ACTR3: variants seen among roughly 807,000 people sequenced by gnomAD.
The protein encoded by ACTR3 is actin-related protein 3.
A neutral mutation model predicts 56.8 loss-of-function variants in ACTR3; 12 were observed. That is an observed-to-expected ratio of 0.21 (90% CI 0.14 to 0.34). The LOEUF is 0.34. Among genes scored for constraint, ACTR3 ranks in the 10% least tolerant of loss-of-function variants. ACTR3 has a pLI of 1.00. For synonymous variants in ACTR3, 162 were observed against 167.4 expected (o/e 0.97, Z 0.25); for missense variants, 282 against 512.5 (o/e 0.55, Z 4.34).
At chr2:113,938,946 C>T (rs1228075161) in intron 6 of ACTR3, among the ~76,000 whole-genome samples, 2 of 151,400 alleles carry the variant, frequency 1.3e-5, no homozygotes, top group Non-Finnish European at 3.0e-5. Context: ...GTGTAACATT[C>T]ACGTTATTTG....
At chr2:113,916,408 C>T (rs1679405747) in intron 2 of ACTR3, among the ~76,000 whole-genome samples, 1 of 152,094 alleles carries the variant, frequency 6.6e-6, no homozygotes, top group South Asian at 2.1e-4. Context: ...TACTAGACCA[C>T]AATAGTAATT....
At chr2:113,911,418 A>AC (rs1679304254) in intron 1 of ACTR3, among the ~76,000 whole-genome samples, 1 of 111,686 alleles carries the variant, frequency 9.0e-6, no homozygotes, top group East Asian at 4.2e-4. Context: ...TATTTGGCAC[A>AC]CTTTTTTTTT....
At chr2:113,905,829 G>A (rs1184679030) in intron 1 of ACTR3, among the ~76,000 whole-genome samples, 1 of 138,198 alleles carries the variant, frequency 7.2e-6, no homozygotes, top group African/African-American at 2.4e-5. Flanking sequence ...TGTATCATGT[G>A]TTTCCTTTTT....
intron 3 of ACTR3, among the ~76,000 whole-genome samples, chr2:113,921,301 C>G (rs1415752329): frequency 1.4e-5 from 2 of 146,706 alleles, no homozygotes; most frequent in Non-Finnish European, 3.0e-5. Context: ...ATTATTTGCC[C>G]TTTTAAAAAA....
chr2:113,949,213 A>G (rs1479032789), intron 8 of ACTR3, among the ~76,000 whole-genome samples: 3 of 151,032 alleles, frequency 2.0e-5, no homozygotes, highest in Non-Finnish European at 4.4e-5. Flanking sequence ...CCCCGTCTCT[A>G]CTAAAAACAC....
intron 3 of ACTR3, among the ~76,000 whole-genome samples, chr2:113,923,589 C>T (rs1679559531): frequency 6.6e-6 from 1 of 152,182 alleles, no homozygotes; most frequent in African/African-American, 2.4e-5. Context: ...CCTGCCTCGG[C>T]CTCCCAAAGT....
intron 1 of ACTR3, among the ~76,000 whole-genome samples, chr2:113,911,903 A>G (rs762148557): frequency 6.6e-6 from 1 of 151,400 alleles, no homozygotes; most frequent in African/African-American, 2.4e-5. Flanking sequence ...TGCCTGGCTA[A>G]TTTTGTATTT....
chr2:113,931,008 C>T (rs1488484369), intron 4 of ACTR3, among the ~76,000 whole-genome samples: 3 of 151,982 alleles, frequency 2.0e-5, no homozygotes, highest in Admixed American at 2.0e-4. Context: ...TACCTCCAAC[C>T]CTCTCTCTCC....
intron 8 of ACTR3, among the ~76,000 whole-genome samples, chr2:113,950,035 A>T (rs1275735907): frequency 2.0e-5 from 3 of 152,208 alleles, no homozygotes; most frequent in Admixed American, 6.5e-5. Context: ...GAGAGCGCTG[A>T]ATTAGTGAAC....
At chr2:113,913,739 G>A (rs539819233) in intron 2 of ACTR3, among the ~76,000 whole-genome samples, 9 of 152,134 alleles carry the variant, frequency 5.9e-5, no homozygotes, top group Admixed American at 5.9e-4. Flanking sequence ...TAACCATACT[G>A]TTGTATGTCT....
At chr2:113,928,538 C>T (rs1207750724) in intron 4 of ACTR3, among the ~76,000 whole-genome samples, 1 of 152,118 alleles carries the variant, frequency 6.6e-6, no homozygotes, top group East Asian at 1.9e-4. Flanking sequence ...TCTAAGGGAG[C>T]AGATAGCAAA....
chr2:113,935,017 G>A (rs11676281), intron 6 of ACTR3, among the ~76,000 whole-genome samples: 13,439 of 151,626 alleles, frequency 0.089, 639 homozygotes, highest in East Asian at 0.18. Flanking sequence ...ATCACTTAAG[G>A]ATTTACATTA....
chr2:113,921,527 T>C (rs1376366834), intron 3 of ACTR3, among the ~76,000 whole-genome samples: 2 of 152,154 alleles, frequency 1.3e-5, no homozygotes, highest in Non-Finnish European at 2.9e-5. Context: ...TGAGGTCTTA[T>C]TTGTAAAATC....
intron 1 of ACTR3, among the ~76,000 whole-genome samples, chr2:113,901,682 G>A (rs1328780811): frequency 6.6e-6 from 1 of 152,094 alleles, no homozygotes; most frequent in East Asian, 1.9e-4. Context: ...AAGCTCTGGG[G>A]TCTTATATTT....
intron 8 of ACTR3, among the ~76,000 whole-genome samples, chr2:113,945,938 C>T (rs1021700003): frequency 1.3e-5 from 2 of 152,152 alleles, no homozygotes; most frequent in African/African-American, 2.4e-5. Context: ...GATAATGGCC[C>T]CCAGCTCCAT....
At chr2:113,954,954 G>A (rs545989180) in intron 10 of ACTR3, 2 of 152,072 alleles carry the variant, frequency 1.3e-5, no homozygotes, top group South Asian at 2.1e-4. Flanking sequence ...TTTTACAGAC[G>A]TCTCCAGTTA....
At chr2:113,922,531 C>T (rs888755314) in intron 3 of ACTR3, among the ~76,000 whole-genome samples, 3 of 151,974 alleles carry the variant, frequency 2.0e-5, no homozygotes, top group East Asian at 1.9e-4. Flanking sequence ...GCGGTAGGGG[C>T]GGCATTGACA....
Position 113,931,282 on chromosome 2 carries a change from A to G in ACTR3, c.337-19A>G. The G allele has an allele frequency of 7.2e-7, 1 of 1,396,910 alleles. No individual in the cohort carries two copies. The highest frequency in any genetic ancestry group is 1.3e-5 in the South Asian group (1 of 74,206). 86.5% of individuals were successfully genotyped at this position (1,396,910 alleles called of 1,614,324 possible). ...AATAATCTGATATTATCTATTTAAA[A>G]TGTTATTTATTTCAATAGACTGAAC... is the stretch of plus-strand genomic sequence containing the variant. On this transcript the variant is annotated intron_variant, in intron 4 of 11. Transcript: ENST00000263238.
rs920116418 is a variant in ACTR3, at chr2:113,894,788, A to G, written c.44+4465A>G. On this transcript the variant is annotated intron_variant, in intron 1 of 11. Transcript: ENST00000263238. ...TATAAGTGAAAAAACAGAATGAGAG[A>G]ATTTAAATTACCTTTTTGATGCCGT... Among the ~76,000 whole-genome samples the G allele has an allele frequency of 3.9e-5, 6 of 152,220 alleles. No homozygotes were observed. The South Asian group carries it at 1.2e-3, about 32-fold the overall frequency.
Sources: gnomAD v4.1 joint callset for allele counts (sites outside exome capture counted in the v4.1 genomes callset) on GRCh38, gnomAD v4.1.1 for gene constraint, MANE v1.5 for transcripts, NCBI Gene and HGNC (gene_info 2026-07-23, HGNC 2026-07-21) for gene names.